Variants in CCSER1 observed in about 807,000 individuals in gnomAD.
CCSER1 encodes coiled-coil serine rich protein 1.
In CCSER1, 41 loss-of-function variants were observed where a neutral mutation model predicts 82.0. The observed-to-expected ratio is 0.50, with a 90% CI of 0.39 to 0.65. CCSER1 has a LOEUF of 0.65. Ranked by LOEUF, CCSER1 falls within the 30% of genes least tolerant of loss-of-function variation. The pLI is 0.00. For synonymous variants in CCSER1, 414 were observed against 383.9 expected (o/e 1.08, Z -0.92); for missense variants, 1,119 against 1,064.2 (o/e 1.05, Z -0.72).
chr4:90,313,758 G>A (rs1208106828), intron 3 of CCSER1, among the ~76,000 whole-genome samples: 1 of 152,118 alleles, frequency 6.6e-6, no homozygotes, highest in African/African-American at 2.4e-5. Context: ...GCGAACTGCA[G>A]CCTTGGGTCC....
intron 3 of CCSER1, among the ~76,000 whole-genome samples, chr4:90,389,126 T>C (rs558213605): frequency 1.8e-4 from 28 of 152,232 alleles, no homozygotes; most frequent in Non-Finnish European, 4.0e-4. Flanking sequence ...ATTAACATTA[T>C]GGCCACTGGT....
intron 10 of CCSER1, among the ~76,000 whole-genome samples, chr4:91,177,715 CTTT>C (rs2149019983): frequency 6.6e-6 from 1 of 152,188 alleles, no homozygotes; most frequent in East Asian, 1.9e-4. Context: ...CTCTTTTCTT[CTTT>C]ATTAGTCTTA....
intron 9 of CCSER1, among the ~76,000 whole-genome samples, chr4:90,924,084 T>C (rs796868127): frequency 1.2e-4 from 18 of 152,292 alleles, no homozygotes; most frequent in African/African-American, 4.3e-4. Context: ...GCTAAGAAAT[T>C]TGCATTTTGC....
intron 9 of CCSER1, among the ~76,000 whole-genome samples, chr4:90,995,646 A>G (rs1341407470): frequency 6.6e-6 from 1 of 152,116 alleles, no homozygotes; most frequent in African/African-American, 2.4e-5. Context: ...TTTTAAAGTT[A>G]TATTACTTTT....
Position 91,558,087 on chromosome 4 carries a change from A to G in CCSER1, c.2218-40485A>G, listed in dbSNP as rs183214160. On this transcript the variant is annotated intron_variant, in intron 10 of 10. Transcript: ENST00000509176. ...TCTTAATATGGTATTTTAATATATT[A>G]ATAATTACCTTTTAATAAAAAAAAT... Among the ~76,000 whole-genome samples the G allele has an allele frequency of 1.6e-4, 19 of 117,926 alleles. No homozygotes were observed. In the East Asian group the frequency reaches 4.5e-3, roughly 28 times the overall value. 77.4% of individuals were successfully genotyped at this position (117,926 alleles called of 152,430 possible).
At chr4:90,266,273 T>C (rs747615745) in intron 1 of CCSER1, among the ~76,000 whole-genome samples, 1 of 151,590 alleles carries the variant, frequency 6.6e-6, no homozygotes, top group Non-Finnish European at 1.5e-5. Context: ...CCTTCTACCC[T>C]TCCTAATTTT....
At chr4:90,378,792 A>G (rs929172426) in intron 3 of CCSER1, among the ~76,000 whole-genome samples, 25 of 152,202 alleles carry the variant, frequency 1.6e-4, no homozygotes, top group African/African-American at 5.8e-4. Context: ...AAATGTGCAG[A>G]TACCCTAGAT....
At chr4:90,660,352 A>G (rs1297379242) in intron 6 of CCSER1, among the ~76,000 whole-genome samples, 2 of 152,120 alleles carry the variant, frequency 1.3e-5, no homozygotes, top group Non-Finnish European at 2.9e-5. Flanking sequence ...ACATAGCCAT[A>G]AAAAGAAGGA....
rs56730436 is a variant in CCSER1, at chr4:90,351,545, CAA to C, written c.1509+38502_1509+38503del. On this transcript the variant is annotated intron_variant, in intron 3 of 10. Transcript: ENST00000509176. ...TGGAACAGAATTCCACTTATAATAA[CAA>C]AAATTTTTTTAGAAAATAGTGAATA... Among the ~76,000 whole-genome samples, 540 of 151,584 alleles carry C rather than the reference CAA, an allele frequency of 3.6e-3. 5 individuals are homozygous for C. Among genetic ancestry groups the C allele is most frequent in the Middle Eastern group, 0.014 (4 of 294 alleles).
intron 9 of CCSER1, among the ~76,000 whole-genome samples, chr4:90,969,702 A>C (rs1157743199): frequency 6.6e-6 from 1 of 151,996 alleles, no homozygotes; most frequent in Non-Finnish European, 1.5e-5. Context: ...ATGAAGCAAA[A>C]TATGCTGTTT....
chr4:90,627,134 A>G (rs1175260807), intron 5 of CCSER1, among the ~76,000 whole-genome samples: 1 of 152,164 alleles, frequency 6.6e-6, no homozygotes, highest in Non-Finnish European at 1.5e-5. Context: ...AGTAATTATT[A>G]TCTTATCCCT....
At chr4:90,158,537 G>T (rs1305056669) in intron 1 of CCSER1, among the ~76,000 whole-genome samples, 2 of 152,164 alleles carry the variant, frequency 1.3e-5, no homozygotes, top group African/African-American at 4.8e-5. Flanking sequence ...CCACCCAGTT[G>T]GAGCTTCCTG....
intron 6 of CCSER1, among the ~76,000 whole-genome samples, chr4:90,669,249 T>A (rs1360215093): frequency 6.6e-6 from 1 of 152,106 alleles, no homozygotes; most frequent in Non-Finnish European, 1.5e-5. Context: ...TCAAATTTTC[T>A]ACAATAATTG....
chr4:91,016,375 C>T (rs747322024), intron 9 of CCSER1, among the ~76,000 whole-genome samples: 34 of 151,874 alleles, frequency 2.2e-4, no homozygotes, highest in Non-Finnish European at 4.3e-4. Flanking sequence ...CTTTAGAAAG[C>T]AACAGAATAA....
chr4:91,339,875 T>C (rs1051300560), intron 10 of CCSER1, among the ~76,000 whole-genome samples: 3 of 152,110 alleles, frequency 2.0e-5, no homozygotes, highest in African/African-American at 7.2e-5. Flanking sequence ...TCCCAGCACT[T>C]TGGGAGGCTG....
intron 8 of CCSER1, among the ~76,000 whole-genome samples, chr4:90,838,559 CA>C (rs372607862): frequency 1.7e-4 from 25 of 146,526 alleles, no homozygotes; most frequent in African/African-American, 3.5e-4. Context: ...ATCATTTGAA[CA>C]AAAAAAAAAT....
chr4:90,953,077 T>G (rs1363754901), intron 9 of CCSER1, among the ~76,000 whole-genome samples: 1 of 152,080 alleles, frequency 6.6e-6, no homozygotes, highest in Non-Finnish European at 1.5e-5. Flanking sequence ...ATTTTCTGTA[T>G]AAAGGATTTT....
At chr4:90,591,457 G>C (rs1176160771) in intron 5 of CCSER1, among the ~76,000 whole-genome samples, 2 of 152,134 alleles carry the variant, frequency 1.3e-5, no homozygotes, top group Non-Finnish European at 1.5e-5. Flanking sequence ...CTGGTCATTA[G>C]AGAAATGCAT....
At chr4:91,321,247 A>C (rs1467594780) in intron 10 of CCSER1, among the ~76,000 whole-genome samples, 1 of 152,034 alleles carries the variant, frequency 6.6e-6, no homozygotes, top group African/African-American at 2.4e-5. Context: ...TCTCTTAGTA[A>C]TTTTATTCTG....
Sources: gnomAD v4.1 joint callset for allele counts (sites outside exome capture counted in the v4.1 genomes callset) on GRCh38, gnomAD v4.1.1 for gene constraint, MANE v1.5 for transcripts, NCBI Gene and HGNC (gene_info 2026-07-23, HGNC 2026-07-21) for gene names.